The following AGPAT5 variants were observed in gnomAD, a reference collection of about 807,000 sequenced individuals.
The protein encoded by AGPAT5 is 1-acyl-sn-glycerol-3-phosphate acyltransferase epsilon.
AGPAT5 carries 46 observed loss-of-function variants against 45.6 expected under a neutral mutation model. The ratio of observed to expected loss-of-function variants is 1.01; its 90% confidence interval spans 0.80 to 1.29. AGPAT5 has a LOEUF of 1.29. Among genes scored for constraint, AGPAT5 ranks in the 50% most tolerant of loss-of-function variants. The pLI is 0.00. For missense variants in AGPAT5, 673 were observed against 450.7 expected (o/e 1.49, Z -4.47); for synonymous variants, 272 against 167.0 (o/e 1.63, Z -4.85).
rs1217297056 is a variant in AGPAT5 at position 6,761,196 on chromosome 8, A to G, written c.*3808A>G. Reference sequence around the variant, plus strand: ...ACTTCTAATATACTGAGGGAAGTATAATATGTGGAACAAACTCTCAACAAA... The same window carrying G: ...ACTTCTAATATACTGAGGGAAGTATGATATGTGGAACAAACTCTCAACAAA... On this transcript the variant is annotated 3_prime_UTR_variant, in exon 8 of 8. Transcript: ENST00000285518. 6.6e-6 allele frequency among the ~76,000 whole-genome samples: 1 copy of G among 152,246 alleles called. No homozygotes were observed. The highest frequency in any genetic ancestry group is 1.5e-5 in the Non-Finnish European group (1 of 68,038).
At position 6,757,428 on chromosome 8, in the gene AGPAT5, T is replaced by C; in HGVS notation, c.*40T>C. The C allele has an allele frequency of 6.4e-7, 1 of 1,551,190 alleles. No homozygotes were observed. The highest frequency in any genetic ancestry group is 8.9e-7 in the Non-Finnish European group (1 of 1,126,520). On this transcript the variant is annotated 3_prime_UTR_variant, in exon 8 of 8. Transcript: ENST00000285518. ...CCAGACAGTGGGATGTGCTACATTG[T>C]CTATTTTTGGCGGCTGCACATGACA... is the stretch of plus-strand genomic sequence containing the variant.
At chr8:6,750,141 A>T (rs375183860) in intron 6 of AGPAT5, among the ~76,000 whole-genome samples, 1 of 152,184 alleles carries the variant, frequency 6.6e-6, no homozygotes, top group Non-Finnish European at 1.5e-5. Context: ...TTCCCAGCAT[A>T]GCACTGTGCC....
At chr8:6,741,326 C>G (rs1006309040) in intron 4 of AGPAT5, among the ~76,000 whole-genome samples, 2 of 152,018 alleles carry the variant, frequency 1.3e-5, no homozygotes, top group Non-Finnish European at 2.9e-5. Flanking sequence ...TCTGAAAGGG[C>G]AAAAACTCAT....
chr8:6,727,018 A>G (rs1358058805), intron 2 of AGPAT5, among the ~76,000 whole-genome samples: 1 of 152,216 alleles, frequency 6.6e-6, no homozygotes, highest in Non-Finnish European at 1.5e-5. Context: ...AAGCCTATCC[A>G]TAGACGTGGT....
intron 1 of AGPAT5, among the ~76,000 whole-genome samples, chr8:6,709,835 G>C (rs897181350): frequency 1.6e-4 from 24 of 152,230 alleles, no homozygotes; most frequent in African/African-American, 4.3e-4. Flanking sequence ...AAGTTGTTTG[G>C]GGGGAAGGAA....
At chr8:6,728,505 T>G (rs1800761114) in intron 2 of AGPAT5, among the ~76,000 whole-genome samples, 1 of 152,248 alleles carries the variant, frequency 6.6e-6, no homozygotes, top group Non-Finnish European at 1.5e-5. Context: ...CAGCTTATTA[T>G]GAACATGATG....
In AGPAT5 at chr8:6,757,459, T is replaced by G; in HGVS notation, c.*71T>G. 1 of 1,190,328 alleles carries G rather than the reference T, an allele frequency of 8.4e-7. No homozygotes were observed. Among genetic ancestry groups the G allele is most frequent in the Non-Finnish European group, 1.2e-6 (1 of 811,172 alleles). 73.7% of individuals were successfully genotyped at this position (1,190,328 alleles called of 1,614,324 possible). A position where few individuals can be genotyped will look rare whatever the true frequency, so the allele number is the denominator to read the frequency against. Reference sequence around the variant, plus strand: ...TTTGGCGGCTGCACATGACATCAAATTGTTTCCTGAATTTATTAAGGAGTG... The same window carrying G: ...TTTGGCGGCTGCACATGACATCAAAGTGTTTCCTGAATTTATTAAGGAGTG... On this transcript the variant is annotated 3_prime_UTR_variant, in exon 8 of 8. Transcript: ENST00000285518.
At chr8:6,751,534 T>C (rs762162743) in intron 6 of AGPAT5, among the ~76,000 whole-genome samples, 1 of 152,212 alleles carries the variant, frequency 6.6e-6, no homozygotes, top group African/African-American at 2.4e-5. Flanking sequence ...TGAGGTCTTA[T>C]GTTGAGGAGA....
chr8:6,709,885 A>C (rs1800092223), intron 1 of AGPAT5, among the ~76,000 whole-genome samples: 1 of 152,160 alleles, frequency 6.6e-6, no homozygotes, highest in Non-Finnish European at 1.5e-5. Context: ...CAGTGTCTGT[A>C]AGTGTCTCCT....
At chr8:6,718,399 C>T (rs772807626) in intron 1 of AGPAT5, among the ~76,000 whole-genome samples, 4 of 152,160 alleles carry the variant, frequency 2.6e-5, no homozygotes, top group Non-Finnish European at 5.9e-5. Context: ...ACAGTCGTGA[C>T]CTCACATTTC....
At chr8:6,714,244 T>A (rs186043518) in intron 1 of AGPAT5, among the ~76,000 whole-genome samples, 1 of 152,370 alleles carries the variant, frequency 6.6e-6, no homozygotes, top group East Asian at 1.9e-4. Flanking sequence ...CTTAAATTGC[T>A]TCCTTCACTT....
At chr8:6,730,322 T>TGAAGCCCATTCATAGTACAACC (rs1587023687) in intron 2 of AGPAT5, among the ~76,000 whole-genome samples, 2 of 35,258 alleles carry the variant, frequency 5.7e-5, no homozygotes, top group African/African-American at 1.4e-4. Flanking sequence ...ATAGGACTTT[T>TGAAGCCCATTCATAGTACAACC]TTTTTTTTTT....
chr8:6,713,720 A>ATT lies in AGPAT5; in HGVS notation c.219+4842_219+4843dup, dbSNP rs11461696. Among the ~76,000 whole-genome samples, 33 of 150,400 alleles carry ATT rather than the reference A, an allele frequency of 2.2e-4. 1 individual carries two copies. The highest frequency in any genetic ancestry group is 3.3e-4 in the Non-Finnish European group (22 of 67,496). On this transcript the variant is annotated intron_variant, in intron 1 of 7. Transcript: ENST00000285518. ...AGGTACACAGCACCATGCCCAGCTA[A>ATT]TTTTTTTTTTGGTATTTTTTAGTGG...
At chr8:6,741,944 A>T (rs916245622) in intron 5 of AGPAT5, among the ~76,000 whole-genome samples, 193 bp downstream of exon 5, 14 of 152,178 alleles carry the variant, frequency 9.2e-5, no homozygotes, top group African/African-American at 3.4e-4. Context: ...ATTATTACAT[A>T]TATCTGAGAA....
At chr8:6,744,397 GC>G (rs1387380067) in intron 5 of AGPAT5, among the ~76,000 whole-genome samples, 1 of 152,190 alleles carries the variant, frequency 6.6e-6, no homozygotes, top group Non-Finnish European at 1.5e-5. Context: ...CTCAGGCAGG[GC>G]CACAAACTTG....
chr8:6,735,744 A>C (rs1801029016), intron 4 of AGPAT5, among the ~76,000 whole-genome samples: 1 of 152,090 alleles, frequency 6.6e-6, no homozygotes, highest in African/African-American at 2.4e-5. Context: ...TACTTAATGG[A>C]AGCCGCCTCC....
At chr8:6,750,955 G>A (rs11995491) in intron 6 of AGPAT5, among the ~76,000 whole-genome samples, 4,734 of 152,162 alleles carry the variant, frequency 0.031, 232 homozygotes, top group African/African-American at 0.11. Flanking sequence ...GTATACGTGT[G>A]CACATAAGAT....
chr8:6,739,809 G>C (rs1801181837), intron 4 of AGPAT5, among the ~76,000 whole-genome samples: 1 of 151,984 alleles, frequency 6.6e-6, no homozygotes, highest in Admixed American at 6.6e-5. Flanking sequence ...ACTGGTGTGA[G>C]GGAAATCCTT....
chr8:6,724,755 A>C (rs750956401), intron 1 of AGPAT5, 115 bp from the exon 2 acceptor site: 8 of 356,424 alleles, frequency 2.2e-5, no homozygotes, highest in Admixed American at 8.4e-5. Context: ...AATTTTTGTT[A>C]ATCATGGATG....
Sources: gnomAD v4.1 joint callset for allele counts (sites outside exome capture counted in the v4.1 genomes callset) on GRCh38, gnomAD v4.1.1 for gene constraint, MANE v1.5 for transcripts, NCBI Gene and HGNC (gene_info 2026-07-23, HGNC 2026-07-21) for gene names.